DAPK1: variants seen among roughly 807,000 people sequenced by gnomAD.
The protein encoded by DAPK1 is death-associated protein kinase 1.
A neutral mutation model predicts 144.9 loss-of-function variants in DAPK1; 56 were observed. That is an observed-to-expected ratio of 0.39 (90% CI 0.31 to 0.48). The LOEUF (loss-of-function observed/expected upper bound fraction) is 0.48. Ranked by LOEUF, DAPK1 falls within the 20% of genes least tolerant of loss-of-function variation. The pLI is 0.95. For missense variants in DAPK1, 1,454 were observed against 1,875.4 expected (o/e 0.78, Z 4.15); for synonymous variants, 690 against 749.0 (o/e 0.92, Z 1.29).
At chr9:87,543,533 G>A (rs1025431472) in intron 2 of DAPK1, among the ~76,000 whole-genome samples, 2 of 152,140 alleles carry the variant, frequency 1.3e-5, no homozygotes, top group African/African-American at 2.4e-5. Flanking sequence ...AATGACTCAG[G>A]ATTATTTTTT....
At chr9:87,520,897 C>G (rs1825274889) in intron 2 of DAPK1, among the ~76,000 whole-genome samples, 1 of 152,150 alleles carries the variant, frequency 6.6e-6, no homozygotes, top group Non-Finnish European at 1.5e-5. Flanking sequence ...ACTATGTGCA[C>G]TCTTTATTAT....
chr9:87,557,677 A>G (rs1826768443), intron 2 of DAPK1, among the ~76,000 whole-genome samples: 2 of 152,194 alleles, frequency 1.3e-5, no homozygotes, highest in Non-Finnish European at 2.9e-5. Context: ...GCGGTAGCTT[A>G]TGCTTATAAT....
At chr9:87,642,149 T>C (rs1218122195) in intron 10 of DAPK1, 91 bp downstream of exon 10, 1 of 921,992 alleles carries the variant, frequency 1.1e-6, no homozygotes, top group South Asian at 1.5e-5. Context: ...ATACTGGTAA[T>C]ATGGAAGATA....
At chr9:87,705,056 T>A (rs926086270) in intron 25 of DAPK1, among the ~76,000 whole-genome samples, 3 of 152,004 alleles carry the variant, frequency 2.0e-5, no homozygotes, top group African/African-American at 7.3e-5. Flanking sequence ...CCAACTATTA[T>A]CATGGCAGCA....
chr9:87,540,049 A>T (rs940326305), intron 2 of DAPK1, among the ~76,000 whole-genome samples: 18 of 152,148 alleles, frequency 1.2e-4, no homozygotes, highest in Non-Finnish European at 2.4e-4. Flanking sequence ...AAAGAAAAAA[A>T]ATTATTTACT....
chr9:87,594,764 G>C lies in DAPK1; in HGVS notation c.63-10190G>C, dbSNP rs188315487. Among the ~76,000 whole-genome samples the C allele has an allele frequency of 2.0e-4, 31 of 152,350 alleles. No homozygotes were observed. The East Asian group carries it at 5.2e-3, about 26-fold the overall frequency. On this transcript the variant is annotated intron_variant, in intron 2 of 25. Coordinates refer to ENST00000408954, the MANE Select transcript of DAPK1 (RefSeq NM_004938.4). ...TCCAAATCCTTTGCCAGTCTCAAGT[G>C]GTGAAGAGGGCTGAATCCATCATAG...
intron 2 of DAPK1, among the ~76,000 whole-genome samples, chr9:87,576,503 C>T (rs915707885): frequency 6.6e-6 from 1 of 152,100 alleles, no homozygotes; most frequent in Non-Finnish European, 1.5e-5. Context: ...TGGCCTCTGC[C>T]CCTCATGAGC....
chr9:87,569,526 G>A (rs1034126239), intron 2 of DAPK1, among the ~76,000 whole-genome samples: 1 of 152,180 alleles, frequency 6.6e-6, no homozygotes, highest in Non-Finnish European at 1.5e-5. Context: ...ACAAGCAGTT[G>A]GATGGAAAAT....
At chr9:87,659,885 A>G (rs555420892) in intron 18 of DAPK1, among the ~76,000 whole-genome samples, 3 of 152,320 alleles carry the variant, frequency 2.0e-5, no homozygotes, top group Non-Finnish European at 4.4e-5. Context: ...CCAGAGGGAC[A>G]AGACAGGCAC....
intron 2 of DAPK1, among the ~76,000 whole-genome samples, chr9:87,603,005 A>C (rs1474720778): frequency 6.6e-6 from 1 of 150,944 alleles, no homozygotes. Flanking sequence ...GTGTGCCTTG[A>C]GTTGGAAGTC....
intron 21 of DAPK1, 71 bp from the exon 22 acceptor site, chr9:87,696,936 G>A (rs779712306): frequency 1.1e-5 from 9 of 827,968 alleles, no homozygotes; most frequent in African/African-American, 1.7e-5. Context: ...TCCGTGGAAC[G>A]CTAAGAGAAT....
At chr9:87,631,027 C>T (rs1161093898) in intron 3 of DAPK1, among the ~76,000 whole-genome samples, 1 of 152,130 alleles carries the variant, frequency 6.6e-6, no homozygotes, top group East Asian at 1.9e-4. Context: ...TCAAGTCACC[C>T]ACCCCTTGAG....
intron 3 of DAPK1, among the ~76,000 whole-genome samples, chr9:87,636,874 T>C (rs1829914245): frequency 6.6e-6 from 1 of 152,218 alleles, no homozygotes; most frequent in Non-Finnish European, 1.5e-5. Flanking sequence ...TTCATCGCTA[T>C]CGTGGAGTTT....
intron 18 of DAPK1, 53 bp from the exon 19 acceptor site, chr9:87,668,544 A>G: frequency 1.1e-6 from 1 of 915,434 alleles, no homozygotes; most frequent in Non-Finnish European, 1.8e-6. Context: ...CGTATGGAAC[A>G]CACACAGCTC....
At chr9:87,602,456 C>T (rs182313591) in intron 2 of DAPK1, among the ~76,000 whole-genome samples, 2 of 152,286 alleles carry the variant, frequency 1.3e-5, no homozygotes, top group Non-Finnish European at 2.9e-5. Context: ...CAGCACCTGC[C>T]TTCATCCTGC....
intron 2 of DAPK1, among the ~76,000 whole-genome samples, chr9:87,514,177 G>T (rs1270670863): frequency 1.3e-5 from 2 of 152,082 alleles, no homozygotes; most frequent in Admixed American, 1.3e-4. Flanking sequence ...GGAGGAGCCT[G>T]CACCTAGTGG....
At chr9:87,573,390 G>A (rs1043493386) in intron 2 of DAPK1, among the ~76,000 whole-genome samples, 3 of 152,228 alleles carry the variant, frequency 2.0e-5, no homozygotes, top group African/African-American at 7.2e-5. Flanking sequence ...CCTGCTCCCT[G>A]GAGAGATGGT....
At position 87,497,899 on chromosome 9, in the gene DAPK1, G is replaced by T; in HGVS notation, c.-317G>T. ...AGTGTGAGGAGGACAGCCGGACCGA[G>T]CCAACGCCGGGGACTTTGTTCCCTC... On this transcript the variant is annotated 5_prime_UTR_variant, in exon 1 of 26. Coordinates refer to ENST00000408954, the MANE Select transcript of DAPK1 (RefSeq NM_004938.4). 1 of 395,286 alleles carries T rather than the reference G, an allele frequency of 2.5e-6. No individual in the cohort carries two copies. The highest frequency in any genetic ancestry group is 4.5e-6 in the Non-Finnish European group (1 of 224,396). The allele number at this position is 395,286 out of a possible 1,614,324, so 24.5% of individuals were successfully genotyped here.
intron 21 of DAPK1, among the ~76,000 whole-genome samples, chr9:87,692,600 A>G (rs1177701787): frequency 6.6e-6 from 1 of 151,878 alleles, no homozygotes; most frequent in African/African-American, 2.4e-5. Flanking sequence ...TGTAGTTGTA[A>G]TATTTGAGTC....
Sources: gnomAD v4.1 joint callset for allele counts (sites outside exome capture counted in the v4.1 genomes callset) on GRCh38, gnomAD v4.1.1 for gene constraint, MANE v1.5 for transcripts, NCBI Gene and HGNC (gene_info 2026-07-23, HGNC 2026-07-21) for gene names.